Variants in PPIP5K2 observed in about 807,000 individuals in gnomAD.
PPIP5K2 encodes inositol hexakisphosphate and diphosphoinositol-pentakisphosphate kinase 2.
A neutral mutation model predicts 154.6 loss-of-function variants in PPIP5K2; 105 were observed. That is an observed-to-expected ratio of 0.68 (90% CI 0.58 to 0.80). The LOEUF is 0.80. PPIP5K2 is among the 30% of genes least tolerant of loss of function. The pLI is 0.00. For missense variants in PPIP5K2, 992 were observed against 1,504.6 expected (o/e 0.66, Z 5.64); for synonymous variants, 480 against 490.3 (o/e 0.98, Z 0.28).
intron 3 of PPIP5K2, among the ~76,000 whole-genome samples, chr5:103,135,602 T>C (rs1489111297): frequency 1.3e-5 from 2 of 152,136 alleles, no homozygotes; most frequent in African/African-American, 4.8e-5. Flanking sequence ...GCTGATTCTT[T>C]TGAATTTTTT....
In PPIP5K2 at chr5:103,181,775, C is replaced by T. The variant is rs150001232; in HGVS notation, c.2923-1459C>T. Among the ~76,000 whole-genome samples the T allele has an allele frequency of 4.9e-3, 738 of 152,148 alleles. 6 individuals are homozygous for T. Among genetic ancestry groups the T allele is most frequent in the African/African-American group, 0.017 (723 of 41,540 alleles). On this transcript the variant is annotated intron_variant, in intron 24 of 30. Transcript: ENST00000358359. ...ATGAAAAGAATTGTGCTCATTTCTA[C>T]AGCCCCGAATTATACAAATATATGT...
Position 103,186,360 on chromosome 5 carries a change from G to A in PPIP5K2, c.3210G>A (p.Gly1070=). 1 of 1,613,816 alleles carries A rather than the reference G, an allele frequency of 6.2e-7. No individual in the cohort carries two copies. Among genetic ancestry groups the A allele is most frequent in the East Asian group, 2.2e-5 (1 of 44,848 alleles). Residue 1070 remains glycine, a synonymous_variant, in exon 27 of 31, where the codon GGG becomes GGA. Transcript: ENST00000358359. The part of the protein sequence containing the change: ...CAGLFSTSVL[G]GSSSAPNLQD... The stretch of plus-strand genomic sequence containing the variant: ...GCCTGTTTAGCACCTCGGTGCTCGG[G>A]GGTTCTTCAAGCGCACCTAACCTAC...
chr5:103,179,885 A>G lies in PPIP5K2; in HGVS notation c.2755-136A>G, dbSNP rs895247068. On this transcript the variant is annotated intron_variant, in intron 23 of 30. Coordinates refer to ENST00000358359, the MANE Select transcript of PPIP5K2 (RefSeq NM_001276277.3). Reference sequence around the variant, plus strand: ...AATACTAAGCTGTTAGAAGAGTTCAATTAATGTTAATTCATCTGAGTAAAC... The same window carrying G: ...AATACTAAGCTGTTAGAAGAGTTCAGTTAATGTTAATTCATCTGAGTAAAC... 2.1e-5 allele frequency: 14 copies of G among 660,584 alleles called. No individual in the cohort carries two copies. The East Asian group carries it at 3.6e-4, about 17-fold the overall frequency. The allele number at this position is 660,584 out of a possible 1,614,324, so 40.9% of individuals were successfully genotyped here.
intron 17 of PPIP5K2, 71 bp from the exon 18 acceptor site, chr5:103,167,107 TG>T: frequency 8.4e-7 from 1 of 1,188,418 alleles, no homozygotes; most frequent in East Asian, 2.7e-5. Flanking sequence ...TGGAAAATTT[TG>T]TATATATATA....
chr5:103,185,459 C>G (rs1800209202), intron 26 of PPIP5K2, among the ~76,000 whole-genome samples: 2 of 151,916 alleles, frequency 1.3e-5, no homozygotes, highest in Admixed American at 1.3e-4. Context: ...CTGTTGATAC[C>G]TACATACTTG....
chr5:103,173,800 AT>A, intron 20 of PPIP5K2, 57 bp from the exon 21 acceptor site: 1 of 1,099,488 alleles, frequency 9.1e-7, no homozygotes, highest in Non-Finnish European at 1.3e-6. Flanking sequence ...TAATTTCAAT[AT>A]TTAGTGAGTT....
chr5:103,198,689 G>A (rs1432534662), intron 30 of PPIP5K2, among the ~76,000 whole-genome samples: 4 of 151,798 alleles, frequency 2.6e-5, no homozygotes, highest in African/African-American at 9.7e-5. Flanking sequence ...GTTTTATTTT[G>A]TCTGATGTGA....
intron 1 of PPIP5K2, among the ~76,000 whole-genome samples, chr5:103,121,825 A>G (rs1369654937): frequency 1.3e-5 from 2 of 152,228 alleles, no homozygotes; most frequent in Admixed American, 6.5e-5. Flanking sequence ...AAACTGAACA[A>G]TTGGTAGAAC....
intron 30 of PPIP5K2, among the ~76,000 whole-genome samples, chr5:103,195,924 T>G (rs1802021152): frequency 6.6e-6 from 1 of 152,208 alleles, no homozygotes; most frequent in Admixed American, 6.5e-5. Flanking sequence ...ACTTATTAGC[T>G]ATGTGACTCT....
chr5:103,178,109 AT>A, intron 23 of PPIP5K2, 129 bp downstream of exon 23: 1 of 678,312 alleles, frequency 1.5e-6, no homozygotes, highest in East Asian at 2.8e-5. Flanking sequence ...AATGGTTTAA[AT>A]TTTTTAAAGT....
At chr5:103,160,677 C>T (rs1202849443) in intron 17 of PPIP5K2, among the ~76,000 whole-genome samples, 2 of 152,138 alleles carry the variant, frequency 1.3e-5, no homozygotes, top group African/African-American at 4.8e-5. Flanking sequence ...TAGCTCATGG[C>T]CTGTGTAACA....
At chr5:103,149,374 C>G in intron 8 of PPIP5K2, 61 bp downstream of exon 8, 1 of 1,455,358 alleles carries the variant, frequency 6.9e-7, no homozygotes, top group South Asian at 1.4e-5. Context: ...TCTTTTTTGA[C>G]TAAGACATTA....
At chr5:103,199,397 G>A (rs1802623101) in intron 30 of PPIP5K2, among the ~76,000 whole-genome samples, 1 of 152,062 alleles carries the variant, frequency 6.6e-6, no homozygotes, top group African/African-American at 2.4e-5. Context: ...CATTCTTGCA[G>A]TGTAATTTTT....
chr5:103,142,771 G>C (rs1404404018), intron 5 of PPIP5K2, among the ~76,000 whole-genome samples: 1 of 42,732 alleles, frequency 2.3e-5, no homozygotes, highest in Admixed American at 2.8e-4. Context: ...GCAAGACTCC[G>C]TCTCAAAAAA....
chr5:103,197,569 A>T (rs1332067406), intron 30 of PPIP5K2, among the ~76,000 whole-genome samples: 4 of 86,980 alleles, frequency 4.6e-5, no homozygotes, highest in African/African-American at 1.5e-4. Context: ...TAAAACACAA[A>T]TTTTTTTTTT....
chr5:103,142,406 G>A (rs577660641), intron 5 of PPIP5K2, among the ~76,000 whole-genome samples: 7 of 152,086 alleles, frequency 4.6e-5, no homozygotes, highest in African/African-American at 1.4e-4. Context: ...CCCAGTTCCC[G>A]CTCGCGCCTC....
chr5:103,151,070 G>A (rs1365035628), intron 8 of PPIP5K2, among the ~76,000 whole-genome samples, 183 bp from the exon 9 acceptor site: 1 of 151,730 alleles, frequency 6.6e-6, no homozygotes, highest in Middle Eastern at 3.4e-3. Flanking sequence ...CCTCTATAAT[G>A]TATTTTCAGA....
intron 4 of PPIP5K2, 124 bp downstream of exon 4, chr5:103,136,946 C>A: frequency 1.4e-6 from 1 of 703,012 alleles, no homozygotes; most frequent in Non-Finnish European, 2.5e-6. Flanking sequence ...AAATAATACT[C>A]AGAAATAGTT....
chr5:103,182,732 G>A (rs891837944), intron 24 of PPIP5K2, among the ~76,000 whole-genome samples: 1 of 152,146 alleles, frequency 6.6e-6, no homozygotes, highest in Non-Finnish European at 1.5e-5. Flanking sequence ...AATATATCAG[G>A]GAGACAGATT....
Sources: allele counts gnomAD v4.1 joint callset (sites outside exome capture counted in the v4.1 genomes callset), GRCh38; gene constraint gnomAD v4.1.1; transcripts MANE v1.5; gene names NCBI Gene and HGNC (gene_info 2026-07-23, HGNC 2026-07-21).